Variants in CCDC144A observed in about 807,000 individuals in gnomAD.
CCDC144A encodes the protein coiled-coil domain-containing protein 144A.
In CCDC144A, 41 loss-of-function variants were observed where a neutral mutation model predicts 143.8. That is an observed-to-expected ratio of 0.29 (90% CI 0.22 to 0.37). CCDC144A has a LOEUF of 0.37. CCDC144A is among the 10% of genes least tolerant of loss of function. The pLI, the probability that CCDC144A is intolerant of heterozygous loss-of-function variation, is 1.00. For synonymous variants in CCDC144A, 242 were observed against 517.9 expected, an observed-to-expected ratio of 0.47 and a Z score of 7.23; for missense variants, 637 against 1,488.8, an observed-to-expected ratio of 0.43 and a Z score of 9.41.
chr17:16,724,555 G>T (rs1324896941), intron 8 of CCDC144A, among the ~76,000 whole-genome samples: 2 of 150,632 alleles, frequency 1.3e-5, no homozygotes, highest in Middle Eastern at 3.2e-3. Context: ...CCTAGAATGT[G>T]GTCTGTTTGG....
At chr17:16,688,484 G>GTTTTTT (rs66493875), upstream of CCDC144A, among the ~76,000 whole-genome samples, 1,279 of 71,582 alleles carry the variant, frequency 0.018, 109 homozygotes, top group African/African-American at 0.066. Context: ...TTCTTTTTCT[G>GTTTTTT]TTTTTTTTTT....
At chr17:16,762,937 T>C (rs1915441194) in intron 14 of CCDC144A, among the ~76,000 whole-genome samples, 2 of 140,498 alleles carry the variant, frequency 1.4e-5, no homozygotes, top group Non-Finnish European at 3.0e-5. Context: ...ACTAATTAAT[T>C]AATTTCTGGA....
rs1912854017 is a variant in CCDC144A at position 16,717,659 on chromosome 17, T to A, written c.1716-2539T>A. Among the ~76,000 whole-genome samples, 2 of 152,232 alleles carry A rather than the reference T, an allele frequency of 1.3e-5. 1 individual carries two copies. Among genetic ancestry groups the A allele is most frequent in the African/African-American group, 4.8e-5 (2 of 41,460 alleles). ...ATATATCAACTCTTAAACTACACAT[T>A]GTATCATAATTGCATATTACCTGGT... On this transcript the variant is annotated intron_variant, in intron 6 of 16. Coordinates refer to ENST00000399273, the MANE Select transcript of CCDC144A (RefSeq NM_001382000.1).
chr17:16,762,578 A>G, intron 14 of CCDC144A, 45 bp downstream of exon 14: 1 of 1,496,750 alleles, frequency 6.7e-7, no homozygotes, highest in Non-Finnish European at 8.9e-7. Context: ...AAGCTCATTA[A>G]TTTGCCTTCA....
At chr17:16,676,965 G>A in the CCDC144A span, among the ~76,000 whole-genome samples, 3 of 151,938 alleles carry the variant, frequency 2.0e-5, no homozygotes, top group Non-Finnish European at 4.4e-5. Context: ...ATAGATAAAT[G>A]GGCACAACTC....
At chr17:16,676,478 T>C in the CCDC144A span, among the ~76,000 whole-genome samples, 1 of 146,856 alleles carries the variant, frequency 6.8e-6, no homozygotes, top group Non-Finnish European at 1.5e-5. Flanking sequence ...GCCACGGCAC[T>C]CCAGCCTGGG....
At position 16,736,359 on chromosome 17, in the gene CCDC144A, G is replaced by A. The variant is rs560027091; in HGVS notation, c.3372+716G>A. On this transcript the variant is annotated intron_variant, in intron 12 of 16. Transcript: ENST00000399273. ...ACTCCTGACCTCAGGTGATCCGCCC[G>A]CCTTGGCCTCCCAAAGTGCTGGGAT... Among the ~76,000 whole-genome samples the A allele has an allele frequency of 1.8e-3, 276 of 151,068 alleles. 1 individual carries two copies. The highest frequency in any genetic ancestry group is 3.1e-3 in the Non-Finnish European group (210 of 67,814).
chr17:16,726,335 C>G (rs1913419723), intron 8 of CCDC144A, among the ~76,000 whole-genome samples: 1 of 140,282 alleles, frequency 7.1e-6, no homozygotes, highest in Non-Finnish European at 1.5e-5. Flanking sequence ...GAGCCGAGAT[C>G]AAGCCACTGC....
chr17:16,733,564 T>C (rs2143242562), intron 11 of CCDC144A, among the ~76,000 whole-genome samples: 1 of 150,340 alleles, frequency 6.7e-6, no homozygotes, highest in East Asian at 2.0e-4. Flanking sequence ...TTCATGCTTA[T>C]TTCTGTTTCA....
At chr17:16,725,002 ATTTTTTTTTTTTTTT>A (rs1167527388) in intron 8 of CCDC144A, among the ~76,000 whole-genome samples, 6 of 37,274 alleles carry the variant, frequency 1.6e-4, no homozygotes, top group Non-Finnish European at 2.6e-4. Flanking sequence ...ATAGCTGGTA[ATTTTTTTTTTTTTTT>A]TTTTTTTTTT....
At chr17:16,684,790 T>G (rs1249473015), upstream of CCDC144A, among the ~76,000 whole-genome samples, 3 of 152,110 alleles carry the variant, frequency 2.0e-5, no homozygotes, top group Admixed American at 2.0e-4. Context: ...ATGGTGAGAC[T>G]CTGTTTCTAG....
Position 16,762,538 on chromosome 17 carries a change from G to C in CCDC144A, c.3887+5G>C, listed in dbSNP as rs1281353923. On this transcript the variant is annotated splice_donor_5th_base_variant and intron_variant, in intron 14 of 16. Coordinates refer to ENST00000399273, the MANE Select transcript of CCDC144A (RefSeq NM_001382000.1). ...CTTGTCAAATGAACTCAGTAGGTAA[G>C]TCAATATGCAGAATCATAGAAAATA... 1 of 1,561,458 alleles carries C rather than the reference G, an allele frequency of 6.4e-7. No individual in the cohort carries two copies. Among genetic ancestry groups the C allele is most frequent in the Non-Finnish European group, 8.7e-7 (1 of 1,154,450 alleles).
At chr17:16,670,760 T>C in the CCDC144A span, among the ~76,000 whole-genome samples, 1 of 151,968 alleles carries the variant, frequency 6.6e-6, no homozygotes. Context: ...CTGCCTACCT[T>C]GGCCTCCAAA....
intron 12 of CCDC144A, among the ~76,000 whole-genome samples, chr17:16,740,485 G>T (rs1914208280): frequency 6.6e-6 from 1 of 152,178 alleles, no homozygotes; most frequent in African/African-American, 2.4e-5. Context: ...GAAACAAATG[G>T]TTGAATTAGT....
chr17:16,773,309 G>A (rs1306396966), intron 16 of CCDC144A, among the ~76,000 whole-genome samples, 188 bp from the exon 17 acceptor site: 1 of 152,026 alleles, frequency 6.6e-6, no homozygotes, highest in Non-Finnish European at 1.5e-5. Flanking sequence ...AGCTTGCCAG[G>A]CACAGTGGCT....
At chr17:16,681,800 G>A in the CCDC144A span, among the ~76,000 whole-genome samples, 870 of 151,772 alleles carry the variant, frequency 5.7e-3, 9 homozygotes, top group African/African-American at 0.02. Flanking sequence ...TGGAGGTTGC[G>A]GTGATCCCAG....
chr17:16,679,046 G>A, the CCDC144A span, among the ~76,000 whole-genome samples: 1 of 151,132 alleles, frequency 6.6e-6, no homozygotes, highest in Admixed American at 6.6e-5. Context: ...GAGCCACTGC[G>A]CCCTGCATTG....
At chr17:16,708,100 C>G (rs1001803231) in intron 4 of CCDC144A, among the ~76,000 whole-genome samples, 6 of 152,008 alleles carry the variant, frequency 3.9e-5, no homozygotes, top group African/African-American at 1.5e-4. Context: ...TGTTAGGGTA[C>G]AAACAATAAC....
At chr17:16,689,083 T>G (rs1204565348), upstream of CCDC144A, among the ~76,000 whole-genome samples, 2 of 152,216 alleles carry the variant, frequency 1.3e-5, no homozygotes, top group Non-Finnish European at 2.9e-5. Context: ...TTAATTGTCC[T>G]CAAGAATTAG....
Sources: allele counts gnomAD v4.1 joint callset (sites outside exome capture counted in the v4.1 genomes callset), GRCh38; gene constraint gnomAD v4.1.1; transcripts MANE v1.5; gene names NCBI Gene and HGNC (gene_info 2026-07-23, HGNC 2026-07-21).